AOPEP: variants seen among roughly 807,000 people sequenced by gnomAD.
AOPEP encodes the protein aminopeptidase O (putative).
In AOPEP, 77 loss-of-function variants were observed where a neutral mutation model predicts 98.1. The observed-to-expected ratio is 0.78, with a 90% CI of 0.65 to 0.95. The LOEUF (loss-of-function observed/expected upper bound fraction) is 0.95, where lower values mean the gene tolerates loss of function less well. AOPEP is among the 40% of genes least tolerant of loss of function. The pLI is 0.00. For missense variants in AOPEP, 1,024 were observed against 1,024.7 expected (o/e 1.00, Z 0.01); for synonymous variants, 346 against 365.3 (o/e 0.95, Z 0.60).
chr9:94,810,843 A>G (rs944509143), intron 5 of AOPEP, among the ~76,000 whole-genome samples: 1 of 152,220 alleles, frequency 6.6e-6, no homozygotes, highest in Non-Finnish European at 1.5e-5. Flanking sequence ...CAAAATAAAC[A>G]GATCTCAAGG....
intron 5 of AOPEP, among the ~76,000 whole-genome samples, chr9:94,843,590 C>T (rs1588499869): frequency 6.6e-6 from 1 of 152,228 alleles, no homozygotes; most frequent in Non-Finnish European, 1.5e-5. Flanking sequence ...ATGGCTTCTT[C>T]AGCCTCCTGG....
At chr9:94,895,523 A>G (rs1008275655) in intron 5 of AOPEP, among the ~76,000 whole-genome samples, 6 of 152,038 alleles carry the variant, frequency 3.9e-5, no homozygotes, top group East Asian at 3.9e-4. Context: ...CACCATCACT[A>G]TGTAATAATA....
chr9:94,841,828 G>T (rs1219992776), intron 5 of AOPEP, among the ~76,000 whole-genome samples: 1 of 152,134 alleles, frequency 6.6e-6, no homozygotes, highest in Non-Finnish European at 1.5e-5. Flanking sequence ...AAGGCAGGAG[G>T]ACTGCTTGAA....
intron 1 of AOPEP, among the ~76,000 whole-genome samples, chr9:94,748,094 ATAAG>A (rs1372248724): frequency 2.0e-5 from 3 of 152,306 alleles, no homozygotes; most frequent in South Asian, 4.1e-4. Flanking sequence ...AATTAATAAT[ATAAG>A]TAAGATTTCA....
the AOPEP span, among the ~76,000 whole-genome samples, chr9:95,096,360 C>T: frequency 6.6e-6 from 1 of 152,116 alleles, no homozygotes; most frequent in African/African-American, 2.4e-5. Context: ...AGGGAGGGGT[C>T]AAGAGTGGCT....
rs2067255380 is a variant in AOPEP, at chr9:95,060,793, C to T, written c.2215C>T (p.Gln739Ter). ...LQSLQRTYHL[Q>*]DQDAEVRHRW... ...AAGCCTCCAGAGGACATACCACCTC[C>T]AGGATCAGGATGCAGAGGTAACCAG... is the stretch of plus-strand genomic sequence containing the variant. The change falls in exon 14 of 17, where the codon CAG becomes TAG. Residue 739 changes from glutamine (Q) to a stop codon, truncating the protein, a stop_gained. Coordinates refer to ENST00000375315, the MANE Select transcript of AOPEP (RefSeq NM_001193329.3). LOFTEE classifies it high-confidence loss of function. 6.2e-7 allele frequency: 1 copy of T among 1,609,814 alleles called. No individual in the cohort carries two copies. The highest frequency in any genetic ancestry group is 8.5e-7 in the Non-Finnish European group (1 of 1,176,140).
At chr9:95,128,362 GC>G in the AOPEP span, among the ~76,000 whole-genome samples, 1 of 152,228 alleles carries the variant, frequency 6.6e-6, no homozygotes, top group Non-Finnish European at 1.5e-5. Flanking sequence ...ACTGTTATGT[GC>G]CCACAGGCAG....
chr9:95,072,002 C>A (rs2068562348), intron 14 of AOPEP, among the ~76,000 whole-genome samples: 1 of 152,192 alleles, frequency 6.6e-6, no homozygotes, highest in South Asian at 2.1e-4. Context: ...CCCAAACCCA[C>A]TCGGGCCGTT....
intron 3 of AOPEP, among the ~76,000 whole-genome samples, chr9:94,784,092 C>T (rs1843878104): frequency 6.6e-6 from 1 of 152,154 alleles, no homozygotes; most frequent in Non-Finnish European, 1.5e-5. Flanking sequence ...TTTTAATTTG[C>T]AGTGAAAACA....
intron 1 of AOPEP, among the ~76,000 whole-genome samples, chr9:94,750,682 T>C (rs938863322): frequency 1.3e-5 from 2 of 152,164 alleles, no homozygotes; most frequent in Admixed American, 6.5e-5. Flanking sequence ...GCTAAACTTA[T>C]GGCAGTTATT....
At chr9:94,997,748 C>G (rs923512299) in intron 11 of AOPEP, among the ~76,000 whole-genome samples, 4 of 152,116 alleles carry the variant, frequency 2.6e-5, no homozygotes, top group Admixed American at 6.5e-5. Context: ...GGCTGGAGTG[C>G]GGTGGCACAA....
At chr9:94,917,035 T>TG (rs2052928492) in intron 5 of AOPEP, among the ~76,000 whole-genome samples, 1 of 151,988 alleles carries the variant, frequency 6.6e-6, no homozygotes, top group Non-Finnish European at 1.5e-5. Context: ...GCAGCTTTTT[T>TG]GATGACCATA....
At chr9:94,967,042 C>T (rs1172788318) in intron 9 of AOPEP, among the ~76,000 whole-genome samples, 2 of 152,102 alleles carry the variant, frequency 1.3e-5, no homozygotes, top group Admixed American at 6.5e-5. Flanking sequence ...GTGGATAGGG[C>T]GGGATGGGCT....
chr9:95,072,563 T>A (rs2068617807), intron 14 of AOPEP, among the ~76,000 whole-genome samples: 1 of 152,118 alleles, frequency 6.6e-6, no homozygotes, highest in African/African-American at 2.4e-5. Flanking sequence ...ATCCCAGGAT[T>A]TGGAAGCTGC....
At chr9:94,869,823 A>G (rs1307300608) in intron 5 of AOPEP, among the ~76,000 whole-genome samples, 1 of 152,148 alleles carries the variant, frequency 6.6e-6, no homozygotes, top group Non-Finnish European at 1.5e-5. Flanking sequence ...CAATCTCATT[A>G]TACTCATTAC....
At chr9:94,785,020 G>A (rs1478495306) in intron 3 of AOPEP, among the ~76,000 whole-genome samples, 3 of 151,950 alleles carry the variant, frequency 2.0e-5, no homozygotes, top group Non-Finnish European at 4.4e-5. Flanking sequence ...TGCAAACTCC[G>A]CCTCCCGGGG....
the AOPEP span, among the ~76,000 whole-genome samples, chr9:95,124,802 A>G: frequency 6.6e-6 from 1 of 152,236 alleles, no homozygotes; most frequent in Admixed American, 6.5e-5. Flanking sequence ...TGCACAACAC[A>G]GGGCCAAGAA....
rs2069947276 is a variant in AOPEP at position 95,082,558 on chromosome 9, G to A, written c.2320-17G>A. On this transcript the variant is annotated splice_polypyrimidine_tract_variant and intron_variant, in intron 15 of 16. Transcript: ENST00000375315. ...CCACACCTTCGCCTGATGCCCTTTG[G>A]CCTCTGTGCCCTGCAGGCCATGGGT... 1 of 1,613,480 alleles carries A rather than the reference G, an allele frequency of 6.2e-7. No homozygotes were observed. The highest frequency in any genetic ancestry group is 1.3e-5 in the African/African-American group (1 of 75,044).
At chr9:94,913,993 A>G (rs562048292) in intron 5 of AOPEP, among the ~76,000 whole-genome samples, 20 of 152,330 alleles carry the variant, frequency 1.3e-4, no homozygotes, top group Middle Eastern at 3.4e-3. Flanking sequence ...TGCCCTTTGC[A>G]TGAAGGGTTT....
Sources: gnomAD v4.1 joint callset for allele counts (sites outside exome capture counted in the v4.1 genomes callset) on GRCh38, gnomAD v4.1.1 for gene constraint, MANE v1.5 for transcripts, NCBI Gene and HGNC (gene_info 2026-07-23, HGNC 2026-07-21) for gene names.